SEZ6L: variants seen among roughly 807,000 people sequenced by gnomAD.
SEZ6L encodes the protein seizure related 6 homolog like, also known as seizure 6-like protein.
Under a neutral mutation model 106.2 loss-of-function variants are expected in SEZ6L, and 37 were observed. The ratio of observed to expected loss-of-function variants is 0.35; its 90% confidence interval spans 0.27 to 0.46. The LOEUF (loss-of-function observed/expected upper bound fraction) is 0.46. Among genes scored for constraint, SEZ6L ranks in the 20% least tolerant of loss-of-function variants. The pLI, the probability that SEZ6L is intolerant of heterozygous loss-of-function variation, is 1.00. For synonymous variants in SEZ6L, 541 were observed against 570.4 expected, an observed-to-expected ratio of 0.95 and a Z score of 0.73; for missense variants, 1,172 against 1,332.8, an observed-to-expected ratio of 0.88 and a Z score of 1.88.
At chr22:26,172,691 A>G (rs1350481217) in intron 1 of SEZ6L, among the ~76,000 whole-genome samples, 2 of 152,220 alleles carry the variant, frequency 1.3e-5, no homozygotes, top group Non-Finnish European at 2.9e-5. Context: ...AGCTCCTCTC[A>G]GCCTGGAGGC....
At chr22:26,304,307 G>A (rs536016976) in intron 5 of SEZ6L, among the ~76,000 whole-genome samples, 6 of 149,348 alleles carry the variant, frequency 4.0e-5, no homozygotes, top group Admixed American at 2.0e-4. Context: ...AGCTGAGATC[G>A]TGCCATTGCA....
At chr22:26,344,276 A>G (rs2082938714) in intron 10 of SEZ6L, among the ~76,000 whole-genome samples, 1 of 152,262 alleles carries the variant, frequency 6.6e-6, no homozygotes, top group South Asian at 2.1e-4. Context: ...AGAGAGATGC[A>G]AAGACCCATT....
At chr22:26,183,419 G>T (rs1939537197) in intron 1 of SEZ6L, among the ~76,000 whole-genome samples, 1 of 152,128 alleles carries the variant, frequency 6.6e-6, no homozygotes. Context: ...CGGGCAGGGG[G>T]CAACTTTCTC....
In SEZ6L at chr22:26,201,751, C is replaced by T. The variant is rs538712984; in HGVS notation, c.94+31988C>T. On this transcript the variant is annotated intron_variant, in intron 1 of 16. Transcript: ENST00000248933. ...TTTAAAATGAGAAAAGTAATATCTG[C>T]CTTCCAGGGTAGTTGAAGTTGGTCA... Among the ~76,000 whole-genome samples, 10 of 152,204 alleles carry T rather than the reference C, an allele frequency of 6.6e-5. 1 individual carries two copies. In the East Asian group the frequency reaches 1.7e-3, roughly 26 times the overall value.
At chr22:26,276,719 G>A (rs573224583) in intron 1 of SEZ6L, among the ~76,000 whole-genome samples, 1 of 152,120 alleles carries the variant, frequency 6.6e-6, no homozygotes, top group Non-Finnish European at 1.5e-5. Flanking sequence ...CCCCTTGCTG[G>A]CTACCTGCAA....
At chr22:26,314,091 C>CAGAGAG (rs201131115) in intron 9 of SEZ6L, among the ~76,000 whole-genome samples, 189 bp downstream of exon 9, 37 of 142,446 alleles carry the variant, frequency 2.6e-4, no homozygotes, top group African/African-American at 1.0e-3. Context: ...CACACACACA[C>CAGAGAG]ACACAGAGAG....
chr22:26,181,878 G>A (rs1348490564), intron 1 of SEZ6L, among the ~76,000 whole-genome samples: 2 of 152,186 alleles, frequency 1.3e-5, no homozygotes, highest in Non-Finnish European at 2.9e-5. Flanking sequence ...ATATCATTGT[G>A]TACCCACATG....
intron 1 of SEZ6L, among the ~76,000 whole-genome samples, chr22:26,222,801 G>A (rs569568330): frequency 5.6e-4 from 85 of 152,280 alleles, no homozygotes; most frequent in African/African-American, 1.9e-3. Flanking sequence ...CCCATGACTT[G>A]CTGTTGTTAG....
At chr22:26,243,804 C>T (rs1286857023) in intron 1 of SEZ6L, among the ~76,000 whole-genome samples, 1 of 152,020 alleles carries the variant, frequency 6.6e-6, no homozygotes, top group Non-Finnish European at 1.5e-5. Flanking sequence ...TTATTTAACC[C>T]ATTAAGCCCC....
chr22:26,169,652 G>A lies in SEZ6L; in HGVS notation c.-18G>A. On this transcript the variant is annotated 5_prime_UTR_variant, in exon 1 of 17. Transcript: ENST00000248933. Reference sequence around the variant, plus strand: ...CGCCCGCCCCACAGCCAGCGGCTCCGCGCCCCCTGCAGCCACGATGCCCGC... The same window carrying A: ...CGCCCGCCCCACAGCCAGCGGCTCCACGCCCCCTGCAGCCACGATGCCCGC... 1 of 1,120,336 alleles carries A rather than the reference G, an allele frequency of 8.9e-7. No individual in the cohort carries two copies. The highest frequency in any genetic ancestry group is 1.2e-6 in the Non-Finnish European group (1 of 848,678). 69.4% of individuals were successfully genotyped at this position (1,120,336 alleles called of 1,614,324 possible). A position where few individuals can be genotyped will look rare whatever the true frequency, so the allele number is the denominator to read the frequency against.
rs1302644433 is a variant in SEZ6L, at chr22:26,203,104, G to T, written c.94+33341G>T. On this transcript the variant is annotated intron_variant, in intron 1 of 16. Transcript: ENST00000248933. ...TCTGTGCCTGCAACTTAGAGCTTCT[G>T]CCTTTGTGTTTCATTCATGAATCAT... 7.9e-5 allele frequency among the ~76,000 whole-genome samples: 12 copies of T among 152,330 alleles called. No homozygotes were observed. In the East Asian group the frequency reaches 1.5e-3, roughly 20 times the overall value.
chr22:26,327,794 G>T (rs116663062), intron 9 of SEZ6L, among the ~76,000 whole-genome samples: 3 of 152,178 alleles, frequency 2.0e-5, no homozygotes, highest in African/African-American at 7.2e-5. Context: ...CTCAAGGTGA[G>T]CTCTCGCACC....
intron 9 of SEZ6L, among the ~76,000 whole-genome samples, chr22:26,314,852 G>T (rs2081953116): frequency 6.6e-6 from 1 of 152,238 alleles, no homozygotes; most frequent in Admixed American, 6.5e-5. Flanking sequence ...CAGCAGAGGT[G>T]CAGGGAGGCC....
intron 1 of SEZ6L, among the ~76,000 whole-genome samples, chr22:26,182,002 C>T (rs192049736): frequency 3.9e-5 from 6 of 152,272 alleles, no homozygotes; most frequent in African/African-American, 1.4e-4. Flanking sequence ...ATCACTGCCC[C>T]ATAGGTGCAT....
chr22:26,203,943 T>TACA (rs1941141934), intron 1 of SEZ6L, among the ~76,000 whole-genome samples: 1 of 152,170 alleles, frequency 6.6e-6, no homozygotes, highest in Non-Finnish European at 1.5e-5. Flanking sequence ...GCCCTACATT[T>TACA]GATGAGGCAA....
chr22:26,282,357 T>C (rs2080799329), intron 1 of SEZ6L, among the ~76,000 whole-genome samples: 1 of 152,238 alleles, frequency 6.6e-6, no homozygotes, highest in South Asian at 2.1e-4. Flanking sequence ...TACGTGTCAA[T>C]GACCACAAAG....
At chr22:26,255,883 C>A (rs1400054057) in intron 1 of SEZ6L, among the ~76,000 whole-genome samples, 1 of 152,194 alleles carries the variant, frequency 6.6e-6, no homozygotes, top group Non-Finnish European at 1.5e-5. Context: ...AGACAAGCAG[C>A]CATCATCCCA....
chr22:26,290,402 C>G (rs1004067696), intron 1 of SEZ6L, among the ~76,000 whole-genome samples: 2 of 152,116 alleles, frequency 1.3e-5, no homozygotes, highest in Admixed American at 1.3e-4. Context: ...CATGGTGGCA[C>G]GCACCTGTGG....
At chr22:26,174,728 A>G (rs1938863619) in intron 1 of SEZ6L, among the ~76,000 whole-genome samples, 1 of 152,180 alleles carries the variant, frequency 6.6e-6, no homozygotes, top group Non-Finnish European at 1.5e-5. Flanking sequence ...AGGGCAGGGA[A>G]TAGGACTGCT....
Sources: gnomAD v4.1 joint callset for allele counts (sites outside exome capture counted in the v4.1 genomes callset) on GRCh38, gnomAD v4.1.1 for gene constraint, MANE v1.5 for transcripts, NCBI Gene and HGNC (gene_info 2026-07-23, HGNC 2026-07-21) for gene names.